CCDC60: variants seen among roughly 807,000 people sequenced by gnomAD.
The protein encoded by CCDC60 is coiled-coil domain-containing protein 60.
CCDC60 carries 54 observed loss-of-function variants against 63.5 expected under a neutral mutation model. The ratio of observed to expected loss-of-function variants is 0.85; its 90% confidence interval spans 0.68 to 1.07. CCDC60 has a LOEUF of 1.07. Ranked by LOEUF, CCDC60 falls within the 50% of genes least tolerant of loss-of-function variation. The pLI is 0.00. For synonymous variants in CCDC60, 206 were observed against 238.8 expected, an observed-to-expected ratio of 0.86 and a Z score of 1.27; for missense variants, 651 against 684.3, an observed-to-expected ratio of 0.95 and a Z score of 0.54.
intron 5 of CCDC60, among the ~76,000 whole-genome samples, chr12:119,495,470 A>G (rs1030525213): frequency 3.3e-5 from 5 of 152,178 alleles, no homozygotes; most frequent in African/African-American, 1.2e-4. Context: ...TTGCCTTAGT[A>G]TATAAGGAGC....
At chr12:119,494,768 G>A (rs1295773696) in intron 5 of CCDC60, among the ~76,000 whole-genome samples, 1 of 152,048 alleles carries the variant, frequency 6.6e-6, no homozygotes, top group Non-Finnish European at 1.5e-5. Context: ...ATCACCTGAG[G>A]ACAGGAGTTC....
intron 3 of CCDC60, among the ~76,000 whole-genome samples, chr12:119,477,906 A>G (rs1196215026): frequency 6.6e-6 from 1 of 151,752 alleles, no homozygotes; most frequent in South Asian, 2.1e-4. Context: ...GCACACACGC[A>G]CACACACACA....
At chr12:119,489,812 T>C (rs1234203879) in intron 5 of CCDC60, among the ~76,000 whole-genome samples, 1 of 151,974 alleles carries the variant, frequency 6.6e-6, no homozygotes, top group African/African-American at 2.4e-5. Context: ...AGTCTTTTTT[T>C]TTTTTAGACA....
intron 4 of CCDC60, among the ~76,000 whole-genome samples, chr12:119,482,159 T>TACAC (rs142480132): frequency 0.11 from 15,283 of 145,266 alleles, 1,114 homozygotes; most frequent in Non-Finnish European, 0.16. Flanking sequence ...CACACACACA[T>TACAC]ACACACACAC....
At chr12:119,482,864 G>A (rs976615515) in intron 4 of CCDC60, among the ~76,000 whole-genome samples, 3 of 152,066 alleles carry the variant, frequency 2.0e-5, no homozygotes, top group African/African-American at 7.2e-5. Flanking sequence ...CATAAGTCTT[G>A]GTTAGTTGGT....
chr12:119,537,242 CT>C (rs1204091234), intron 13 of CCDC60, among the ~76,000 whole-genome samples: 1 of 152,142 alleles, frequency 6.6e-6, no homozygotes, highest in East Asian at 1.9e-4. Flanking sequence ...GTTCTTGTGC[CT>C]TGGTTTTCAG....
chr12:119,451,339 G>A (rs1390916921), intron 2 of CCDC60, among the ~76,000 whole-genome samples: 1 of 152,148 alleles, frequency 6.6e-6, no homozygotes, highest in East Asian at 1.9e-4. Flanking sequence ...GGTGTGTAGG[G>A]TGATAGGGGG....
intron 2 of CCDC60, among the ~76,000 whole-genome samples, chr12:119,447,567 A>G (rs1950563927): frequency 6.6e-6 from 1 of 152,180 alleles, no homozygotes; most frequent in Non-Finnish European, 1.5e-5. Context: ...TATATCCACA[A>G]TGGCAGGTCC....
At chr12:119,396,655 G>C (rs892470747) in intron 1 of CCDC60, among the ~76,000 whole-genome samples, 2 of 152,152 alleles carry the variant, frequency 1.3e-5, no homozygotes, top group Non-Finnish European at 2.9e-5. Context: ...CAAGGCAGGA[G>C]GATCACTTGA....
intron 1 of CCDC60, among the ~76,000 whole-genome samples, chr12:119,360,447 T>C (rs1592989981): frequency 6.9e-6 from 1 of 144,170 alleles, no homozygotes; most frequent in African/African-American, 2.6e-5. Context: ...CGCTCCTCAC[T>C]TCCCAGACGG....
At chr12:119,359,826 G>A (rs1286902498) in intron 1 of CCDC60, among the ~76,000 whole-genome samples, 1 of 151,964 alleles carries the variant, frequency 6.6e-6, no homozygotes, top group Non-Finnish European at 1.5e-5. Context: ...CACAGCACAT[G>A]TTTCAGAGAG....
At chr12:119,377,273 A>G (rs886522789) in intron 1 of CCDC60, among the ~76,000 whole-genome samples, 5 of 149,578 alleles carry the variant, frequency 3.3e-5, no homozygotes, top group South Asian at 4.3e-4. Context: ...AAAAAAAAAA[A>G]AAAAAAGAAA....
chr12:119,521,807 A>C (rs566328758), intron 9 of CCDC60, among the ~76,000 whole-genome samples: 53 of 152,326 alleles, frequency 3.5e-4, no homozygotes, highest in Admixed American at 5.9e-4. Flanking sequence ...GAGGAAGGTC[A>C]GGGCCACCAT....
chr12:119,378,689 A>C, intron 1 of CCDC60, among the ~76,000 whole-genome samples: 1 of 152,138 alleles, frequency 6.6e-6, no homozygotes, highest in East Asian at 1.9e-4. Flanking sequence ...ACACAGCTGA[A>C]ATTTGCTGTC....
rs1055425115 is a variant in CCDC60, at chr12:119,530,761, C to T, written c.1362-113C>T. ...AGGAAAGGTCCCTAGATAAAGAATACTGCTGCCCTGGAGACATCACAGAGA... is the reference window on the plus strand; with the variant it reads ...AGGAAAGGTCCCTAGATAAAGAATATTGCTGCCCTGGAGACATCACAGAGA... On this transcript the variant is annotated intron_variant, in intron 12 of 13. Coordinates refer to ENST00000327554, the MANE Select transcript of CCDC60 (RefSeq NM_178499.5). 7 of 834,574 alleles carry T rather than the reference C, an allele frequency of 8.4e-6. No homozygotes were observed. The Admixed American group carries it at 1.8e-4, about 21-fold the overall frequency. The allele number at this position is 834,574 out of a possible 1,614,324, so 51.7% of individuals were successfully genotyped here. A position where few individuals can be genotyped will look rare whatever the true frequency, so the allele number is the denominator to read the frequency against.
chr12:119,457,008 G>A (rs1950761523), intron 2 of CCDC60, among the ~76,000 whole-genome samples: 1 of 152,184 alleles, frequency 6.6e-6, no homozygotes, highest in South Asian at 2.1e-4. Flanking sequence ...CATTCAAGAT[G>A]GAGTTGCTCT....
chr12:119,355,587 C>G (rs1050816943), intron 1 of CCDC60, among the ~76,000 whole-genome samples: 1 of 152,106 alleles, frequency 6.6e-6, no homozygotes, highest in Non-Finnish European at 1.5e-5. Flanking sequence ...CTTGGCTTTG[C>G]CCAGGGAAGA....
At chr12:119,356,038 A>C (rs1203491308) in intron 1 of CCDC60, among the ~76,000 whole-genome samples, 1 of 152,226 alleles carries the variant, frequency 6.6e-6, no homozygotes, top group African/African-American at 2.4e-5. Context: ...ATGGAAAAAA[A>C]CATAATAAAT....
chr12:119,374,921 A>G (rs1400698184), intron 1 of CCDC60, among the ~76,000 whole-genome samples: 1 of 152,158 alleles, frequency 6.6e-6, no homozygotes, highest in African/African-American at 2.4e-5. Context: ...ATGAGCAGTG[A>G]GGACGACTAG....
Sources: gnomAD v4.1 joint callset for allele counts (sites outside exome capture counted in the v4.1 genomes callset) on GRCh38, gnomAD v4.1.1 for gene constraint, MANE v1.5 for transcripts, NCBI Gene and HGNC (gene_info 2026-07-23, HGNC 2026-07-21) for gene names.